Variants in CSMD1 observed in about 807,000 individuals in gnomAD.
The protein encoded by CSMD1 is CUB and Sushi multiple domains 1, also known as CUB and sushi domain-containing protein 1.
Under a neutral mutation model 417.5 loss-of-function variants are expected in CSMD1, and 213 were observed. The ratio of observed to expected loss-of-function variants is 0.51; its 90% confidence interval spans 0.46 to 0.57. The LOEUF (loss-of-function observed/expected upper bound fraction) is 0.57. CSMD1 is among the 20% of genes least tolerant of loss of function. CSMD1 has a pLI of 0.00. For missense variants in CSMD1, 6,923 were observed against 4,529.7 expected (o/e 1.53, Z -15.17); for synonymous variants, 2,862 against 1,736.8 (o/e 1.65, Z -16.11).
At chr8:3,040,387 A>AATATATATATATATATATAT (rs35722761) in intron 50 of CSMD1, among the ~76,000 whole-genome samples, 41 of 137,518 alleles carry the variant, frequency 3.0e-4, no homozygotes, top group Non-Finnish European at 4.4e-4. Context: ...TACACATTGA[A>AATATATATATATATATATAT]ATATATATAT....
chr8:3,091,009 G>C (rs986214905), intron 48 of CSMD1, among the ~76,000 whole-genome samples: 1 of 151,574 alleles, frequency 6.6e-6, no homozygotes, highest in Non-Finnish European at 1.5e-5. Flanking sequence ...ATTTTGATGA[G>C]GAATATATAT....
intron 5 of CSMD1, among the ~76,000 whole-genome samples, chr8:3,912,215 T>G (rs1286960872): frequency 1.3e-5 from 2 of 152,216 alleles, no homozygotes; most frequent in African/African-American, 4.8e-5. Flanking sequence ...TAACTCTGAT[T>G]CGACATACTT....
At chr8:4,366,903 G>T (rs964657877) in intron 3 of CSMD1, among the ~76,000 whole-genome samples, 1 of 151,612 alleles carries the variant, frequency 6.6e-6, no homozygotes, top group African/African-American at 2.4e-5. Context: ...GTTGTTTTTC[G>T]TTTGCTGATT....
chr8:3,813,706 A>G lies in CSMD1; in HGVS notation c.819-59664T>C, dbSNP rs549970072. The stretch of plus-strand genomic sequence containing the variant: ...TGTACTTTCCAATATTCAACTATTC[A>G]CTCCTCCTATACCAAATGGTCCATG... On this transcript the variant is annotated intron_variant, in intron 5 of 69. Coordinates refer to ENST00000635120, the MANE Select transcript of CSMD1 (RefSeq NM_033225.6). 2.6e-5 allele frequency among the ~76,000 whole-genome samples: 4 copies of G among 151,096 alleles called. No homozygotes were observed. The South Asian group carries it at 8.3e-4, about 31-fold the overall frequency.
chr8:3,566,256 G>C (rs147161877), intron 10 of CSMD1, among the ~76,000 whole-genome samples: 2 of 152,082 alleles, frequency 1.3e-5, no homozygotes, highest in Admixed American at 1.3e-4. Context: ...TGAGGAGGAA[G>C]AGTTGAAGAA....
chr8:4,094,483 A>C (rs1800894695), intron 3 of CSMD1, among the ~76,000 whole-genome samples: 1 of 152,188 alleles, frequency 6.6e-6, no homozygotes, highest in Admixed American at 6.5e-5. Context: ...TGCCTGGATT[A>C]ACGCTGGAGC....
At chr8:3,436,712 G>C (rs919754822) in intron 12 of CSMD1, among the ~76,000 whole-genome samples, 16 of 152,114 alleles carry the variant, frequency 1.1e-4, no homozygotes, top group Non-Finnish European at 2.4e-4. Context: ...CGCTTTCTGA[G>C]TAAAAGGCAG....
chr8:4,133,339 A>G (rs1402285193), intron 3 of CSMD1, among the ~76,000 whole-genome samples: 1 of 152,252 alleles, frequency 6.6e-6, no homozygotes, highest in Non-Finnish European at 1.5e-5. Flanking sequence ...TAGACTTCTC[A>G]GCATGGTAAG....
Position 2,963,353 on chromosome 8 carries a change from A to G in CSMD1, c.9323T>C (p.Val3108Ala). The G allele has an allele frequency of 6.2e-7, 1 of 1,613,898 alleles. No homozygotes were observed. The highest frequency in any genetic ancestry group is 8.5e-7 in the Non-Finnish European group (1 of 1,179,858). ...PQPPPVQNGTVEGSDFRWGSS... is the reference protein window; with the variant it reads ...PQPPPVQNGTAEGSDFRWGSS... ...GCCCCAGCGGAAATCACTTCCCTCC[A>G]CTGTTCCATTCTGCACCGGCGGCGG... The change falls in exon 60 of 70, where the codon GTG (valine) becomes GCG (alanine). Residue 3108 changes from valine (V) to alanine (A), a missense_variant. Val to Ala is a moderately conservative substitution (Grantham distance 64). Coordinates refer to ENST00000635120, the MANE Select transcript of CSMD1 (RefSeq NM_033225.6).
At chr8:4,642,825 T>C (rs1345103751) in intron 1 of CSMD1, among the ~76,000 whole-genome samples, 1 of 152,216 alleles carries the variant, frequency 6.6e-6, no homozygotes, top group African/African-American at 2.4e-5. Context: ...AGCAAATGTT[T>C]GGACATCAAA....
intron 2 of CSMD1, among the ~76,000 whole-genome samples, chr8:4,471,650 G>T (rs1410397678): frequency 6.6e-6 from 1 of 152,048 alleles, no homozygotes; most frequent in Non-Finnish European, 1.5e-5. Flanking sequence ...GGAAAGAACT[G>T]GGAATGCTCA....
chr8:4,183,763 C>T lies in CSMD1; in HGVS notation c.416-151664G>A, dbSNP rs577762550. Among the ~76,000 whole-genome samples the T allele has an allele frequency of 7.9e-5, 12 of 152,234 alleles. No homozygotes were observed. In the South Asian group the frequency reaches 1.0e-3, roughly 13 times the overall value. On this transcript the variant is annotated intron_variant, in intron 3 of 69. Transcript: ENST00000635120. Reference sequence around the variant, plus strand: ...GATTAGTGAAGCAATATGAGTATTTCGTTGATGAAAGCTTTTCTTTCAGCA... The same window carrying T: ...GATTAGTGAAGCAATATGAGTATTTTGTTGATGAAAGCTTTTCTTTCAGCA...
chr8:4,544,192 C>G (rs1797536445), intron 2 of CSMD1, among the ~76,000 whole-genome samples: 2 of 152,106 alleles, frequency 1.3e-5, no homozygotes, highest in African/African-American at 4.8e-5. Flanking sequence ...CATTGCCAAA[C>G]CTAAAGCCAT....
chr8:4,340,289 C>T (rs934126325), intron 3 of CSMD1, among the ~76,000 whole-genome samples: 4 of 151,998 alleles, frequency 2.6e-5, no homozygotes, highest in Non-Finnish European at 4.4e-5. Flanking sequence ...GACTAGTCAT[C>T]TGTGTTTGCA....
chr8:3,692,606 T>C (rs969615729), intron 7 of CSMD1, among the ~76,000 whole-genome samples: 6 of 152,094 alleles, frequency 3.9e-5, no homozygotes, highest in African/African-American at 1.4e-4. Flanking sequence ...CTAATTTTTG[T>C]ATTTTTCGTA....
intron 1 of CSMD1, among the ~76,000 whole-genome samples, chr8:4,949,202 T>A (rs766493012): frequency 6.6e-6 from 1 of 152,194 alleles, no homozygotes; most frequent in African/African-American, 2.4e-5. Flanking sequence ...TAAATACCAT[T>A]GCATTTGGTT....
chr8:3,034,693 T>G (rs902292975), intron 50 of CSMD1, among the ~76,000 whole-genome samples: 1 of 152,204 alleles, frequency 6.6e-6, no homozygotes, highest in African/African-American at 2.4e-5. Context: ...GTTATGTTCT[T>G]ACTTTGTTAT....
At chr8:3,565,780 G>A (rs1022404225) in intron 10 of CSMD1, among the ~76,000 whole-genome samples, 2 of 151,914 alleles carry the variant, frequency 1.3e-5, no homozygotes, top group Non-Finnish European at 2.9e-5. Flanking sequence ...AAATTGCTGT[G>A]ACTAATTACA....
chr8:4,750,096 C>G, intron 1 of CSMD1, among the ~76,000 whole-genome samples: 1 of 152,146 alleles, frequency 6.6e-6, no homozygotes, highest in South Asian at 2.1e-4. Context: ...AGCTCCGCCT[C>G]CCGGGTTCAC....
Sources: allele counts gnomAD v4.1 joint callset (sites outside exome capture counted in the v4.1 genomes callset), GRCh38; gene constraint gnomAD v4.1.1; transcripts MANE v1.5; gene names NCBI Gene and HGNC (gene_info 2026-07-23, HGNC 2026-07-21).